The following TBCK variants were observed in gnomAD, a reference collection of about 807,000 sequenced individuals.
The protein encoded by TBCK is TBC1 domain containing kinase, also known as TBC domain-containing protein kinase-like protein.
A neutral mutation model predicts 113.4 loss-of-function variants in TBCK; 99 were observed. The ratio of observed to expected loss-of-function variants is 0.87; its 90% CI spans 0.74 to 1.03. TBCK has a LOEUF of 1.03. TBCK is among the 50% of genes least tolerant of loss of function. The pLI is 0.00. For synonymous variants in TBCK, 369 were observed against 370.8 expected (o/e 1.00, Z 0.05); for missense variants, 1,045 against 1,061.3 (o/e 0.98, Z 0.21).
At chr4:106,313,662 G>C (rs1204460636) in intron 1 of TBCK, among the ~76,000 whole-genome samples, 1 of 152,144 alleles carries the variant, frequency 6.6e-6, no homozygotes, top group Non-Finnish European at 1.5e-5. Flanking sequence ...AATACAAAAG[G>C]ACTAGAATGC....
At chr4:106,219,601 ACTAAT>A (rs1289658616) in intron 19 of TBCK, among the ~76,000 whole-genome samples, 5 of 152,168 alleles carry the variant, frequency 3.3e-5, no homozygotes, top group Non-Finnish European at 7.4e-5. Flanking sequence ...CTCACTATGC[ACTAAT>A]CTAAACAAGA....
intron 23 of TBCK, among the ~76,000 whole-genome samples, chr4:106,153,237 T>C (rs1748721580): frequency 1.3e-5 from 2 of 152,052 alleles, no homozygotes; most frequent in African/African-American, 4.8e-5. Flanking sequence ...TTGCTGTACT[T>C]CATAGGTTTT....
intron 5 of TBCK, among the ~76,000 whole-genome samples, chr4:106,256,654 G>A (rs34684331): frequency 0.23 from 35,101 of 151,920 alleles, 4,922 homozygotes; most frequent in East Asian, 0.37. Context: ...AACTTAGGCA[G>A]CTGCAACTGT....
chr4:106,156,266 G>A (rs1201543161), intron 23 of TBCK, among the ~76,000 whole-genome samples: 1 of 152,096 alleles, frequency 6.6e-6, no homozygotes, highest in Non-Finnish European at 1.5e-5. Flanking sequence ...AGCTTGGGGT[G>A]GTGTGACACA....
At chr4:106,252,788 G>A (rs1007721125) in intron 5 of TBCK, among the ~76,000 whole-genome samples, 6 of 152,052 alleles carry the variant, frequency 3.9e-5, no homozygotes, top group Non-Finnish European at 7.4e-5. Flanking sequence ...GGCATTCCAA[G>A]ATCGTAAGGT....
chr4:106,086,648 A>G (rs1029310028), intron 25 of TBCK, among the ~76,000 whole-genome samples: 2 of 152,232 alleles, frequency 1.3e-5, no homozygotes, highest in Non-Finnish European at 2.9e-5. Context: ...ATCTCATGTC[A>G]ATATCCCTGA....
At chr4:106,277,769 T>G (rs1313631845) in intron 3 of TBCK, among the ~76,000 whole-genome samples, 1 of 152,178 alleles carries the variant, frequency 6.6e-6, no homozygotes, top group Non-Finnish European at 1.5e-5. Context: ...TCTTAATGCA[T>G]TTAGTTTATA....
intron 23 of TBCK, among the ~76,000 whole-genome samples, chr4:106,155,194 C>T (rs1162552061): frequency 6.6e-6 from 1 of 151,312 alleles, no homozygotes; most frequent in Non-Finnish European, 1.5e-5. Flanking sequence ...TCTCTCATGA[C>T]CTGTGAGGTT....
At chr4:106,241,702 T>C (rs1187141948) in intron 12 of TBCK, among the ~76,000 whole-genome samples, 1 of 151,900 alleles carries the variant, frequency 6.6e-6, no homozygotes, top group Non-Finnish European at 1.5e-5. Flanking sequence ...ATTGGATACC[T>C]TCCTTACAAC....
chr4:106,054,179 G>C (rs1735134519), intron 25 of TBCK, among the ~76,000 whole-genome samples: 1 of 151,546 alleles, frequency 6.6e-6, no homozygotes, highest in Admixed American at 6.6e-5. Flanking sequence ...GGTCTTACAT[G>C]ATCTGCAAAT....
intron 3 of TBCK, among the ~76,000 whole-genome samples, chr4:106,278,510 G>T (rs528894591): frequency 6.0e-4 from 75 of 125,218 alleles, no homozygotes; most frequent in African/African-American, 2.1e-3. Context: ...AGTGAGCCCA[G>T]ATCGTGCCAC....
At chr4:106,050,449 A>C (rs1347525229) in intron 25 of TBCK, among the ~76,000 whole-genome samples, 1 of 152,026 alleles carries the variant, frequency 6.6e-6, no homozygotes, top group African/African-American at 2.4e-5. Flanking sequence ...AAAGCAACTC[A>C]ACTTTCAGAT....
chr4:106,287,721 C>T (rs1396274601), intron 3 of TBCK, among the ~76,000 whole-genome samples: 1 of 152,148 alleles, frequency 6.6e-6, no homozygotes, highest in Non-Finnish European at 1.5e-5. Context: ...AATTAAGCCT[C>T]TTGTCAACAA....
At chr4:106,299,303 C>T (rs779658248) in intron 2 of TBCK, among the ~76,000 whole-genome samples, 3 of 152,158 alleles carry the variant, frequency 2.0e-5, no homozygotes, top group African/African-American at 7.2e-5. Context: ...AAATTACATG[C>T]CCACGTTATA....
chr4:106,134,280 C>T (rs1435524333), intron 23 of TBCK, among the ~76,000 whole-genome samples: 1 of 151,650 alleles, frequency 6.6e-6, no homozygotes, highest in African/African-American at 2.4e-5. Context: ...AGCTTAAATT[C>T]CTTATATTTC....
chr4:106,080,213 G>A (rs1187995012), intron 25 of TBCK, among the ~76,000 whole-genome samples: 15 of 149,482 alleles, frequency 1.0e-4, no homozygotes, highest in African/African-American at 3.4e-4. Context: ...AAAAAAAAAA[G>A]TCCAAATCAT....
intron 22 of TBCK, among the ~76,000 whole-genome samples, chr4:106,171,664 T>C (rs1579117625): frequency 6.6e-6 from 1 of 152,242 alleles, no homozygotes; most frequent in East Asian, 1.9e-4. Flanking sequence ...ACAAAAGTTA[T>C]AGGGGGAGAA....
chr4:106,179,054 T>C (rs767996866), intron 22 of TBCK, among the ~76,000 whole-genome samples: 5 of 152,066 alleles, frequency 3.3e-5, no homozygotes, highest in Non-Finnish European at 5.9e-5. Context: ...TAATGATCCT[T>C]TGTAATTCTG....
At chr4:106,248,861 C>A in intron 8 of TBCK, 60 bp downstream of exon 8, 1 of 1,349,026 alleles carries the variant, frequency 7.4e-7, no homozygotes, top group South Asian at 1.3e-5. Context: ...ATAAGTTACC[C>A]AATATCAGGT....
Sources: allele counts gnomAD v4.1 joint callset (sites outside exome capture counted in the v4.1 genomes callset), GRCh38; gene constraint gnomAD v4.1.1; transcripts MANE v1.5; gene names NCBI Gene and HGNC (gene_info 2026-07-23, HGNC 2026-07-21).